Variants in GTF2E1 observed in about 807,000 individuals in gnomAD.
The protein encoded by GTF2E1 is TFIIE alpha subunit.
Under a neutral mutation model 34.9 loss-of-function variants are expected in GTF2E1, and 14 were observed. That is an observed-to-expected ratio of 0.40 (90% CI 0.27 to 0.63). GTF2E1 has a LOEUF of 0.63. GTF2E1 is among the 20% of genes least tolerant of loss of function. The pLI, the probability that GTF2E1 is intolerant of heterozygous loss-of-function variation, is 0.39. For missense variants in GTF2E1, 469 were observed against 557.7 expected, an observed-to-expected ratio of 0.84 and a Z score of 1.60; for synonymous variants, 188 against 192.9, an observed-to-expected ratio of 0.97 and a Z score of 0.21.
rs778940279 is a variant in GTF2E1 at position 120,781,125 on chromosome 3, G to A, written c.975G>A (p.Leu325=). 1.9e-6 allele frequency: 3 copies of A among 1,614,092 alleles called. No homozygotes were observed. The highest frequency in any genetic ancestry group is 2.5e-6 in the Non-Finnish European group (3 of 1,179,968). ...PDDNEEVMRA[L]LIHEKKTSSA... The stretch of plus-strand genomic sequence containing the variant: ...ACAACGAAGAGGTCATGCGAGCACT[G>A]CTCATTCACGAGAAAAAGACTTCCT... Residue 325 remains leucine (L), a synonymous_variant, in exon 5 of 5, where the codon CTG becomes CTA. Coordinates refer to ENST00000283875, the MANE Select transcript of GTF2E1 (RefSeq NM_005513.3).
At position 120,750,658 on chromosome 3, in the gene GTF2E1, A is replaced by G; in HGVS notation, c.106A>G (p.Ile36Val). 6.2e-7 allele frequency: 1 copy of G among 1,614,090 alleles called. No homozygotes were observed. The change falls in exon 2 of 5, where the codon ATC becomes GTC. Residue 36 changes from isoleucine to valine, a missense_variant. Physicochemically the swap from Ile to Val is conservative, Grantham distance 29. Coordinates refer to ENST00000283875, the MANE Select transcript of GTF2E1 (RefSeq NM_005513.3). ...CATTGAGCATGCCTTGGCCTTGGAC[A>G]TCTTGATCAGGAACTCCTGTGTGAA... ...YGIEHALALD[I>V]LIRNSCVKEE...
chr3:120,743,327 C>T (rs1488467277), intron 1 of GTF2E1, among the ~76,000 whole-genome samples: 1 of 152,240 alleles, frequency 6.6e-6, no homozygotes, highest in Non-Finnish European at 1.5e-5. Context: ...GAATTTGATC[C>T]ACGCACCTCC....
chr3:120,773,244 G>A (rs1251945849), intron 3 of GTF2E1, among the ~76,000 whole-genome samples: 1 of 152,102 alleles, frequency 6.6e-6, no homozygotes, highest in African/African-American at 2.4e-5. Flanking sequence ...CATCCTGGAG[G>A]TGGTATTGAT....
Position 120,775,891 on chromosome 3 carries a change from C to T in GTF2E1, c.651-532C>T, listed in dbSNP as rs574622614. ...TACTGCATGAGTGGTGGGAGAAGAA[C>T]GTTGGTTGAGGTCAGGCTTTGTAGA... On this transcript the variant is annotated intron_variant, in intron 3 of 4. Coordinates refer to ENST00000283875, the MANE Select transcript of GTF2E1 (RefSeq NM_005513.3). 3.9e-5 allele frequency among the ~76,000 whole-genome samples: 6 copies of T among 152,178 alleles called. No individual in the cohort carries two copies. The East Asian group carries it at 5.8e-4, about 15-fold the overall frequency.
chr3:120,776,392 C>T lies in GTF2E1; in HGVS notation c.651-31C>T, dbSNP rs757592606. 3 of 1,578,404 alleles carry T rather than the reference C, an allele frequency of 1.9e-6. No homozygotes were observed. In the South Asian group the frequency reaches 3.4e-5, roughly 18 times the overall value. Reference sequence around the variant, plus strand: ...CAACACCAAGACATTAATTTTTCTTCTTCCTGTACTCCTCTATTCTTTTTA... The same window carrying T: ...CAACACCAAGACATTAATTTTTCTTTTTCCTGTACTCCTCTATTCTTTTTA... On this transcript the variant is annotated intron_variant, in intron 3 of 4. Transcript: ENST00000283875.
chr3:120,744,305 C>G (rs1709086034), intron 1 of GTF2E1, among the ~76,000 whole-genome samples: 1 of 152,136 alleles, frequency 6.6e-6, no homozygotes, highest in South Asian at 2.1e-4. Context: ...TAAGGAGATT[C>G]AGCGTGAGTG....
Position 120,750,663 on chromosome 3 carries a change from G to A in GTF2E1, c.111G>A (p.Leu37=), listed in dbSNP as rs980528398. 2.5e-6 allele frequency: 4 copies of A among 1,613,920 alleles called. No individual in the cohort carries two copies. The African/African-American group carries it at 5.3e-5, about 22-fold the overall frequency. ...AGCATGCCTTGGCCTTGGACATCTT[G>A]ATCAGGAACTCCTGTGTGAAAGAGG... ...GIEHALALDI[L]IRNSCVKEED... Residue 37 remains leucine, a synonymous_variant, in exon 2 of 5, where the codon TTG becomes TTA. Coordinates refer to ENST00000283875, the MANE Select transcript of GTF2E1 (RefSeq NM_005513.3).
intron 4 of GTF2E1, among the ~76,000 whole-genome samples, chr3:120,779,149 A>C (rs1709426487): frequency 6.6e-6 from 1 of 152,194 alleles, no homozygotes; most frequent in Non-Finnish European, 1.5e-5. Flanking sequence ...TAACAGAATA[A>C]TTCTTTTTTC....
intron 3 of GTF2E1, among the ~76,000 whole-genome samples, chr3:120,774,823 A>G (rs1342375350): frequency 1.3e-5 from 2 of 152,178 alleles, no homozygotes; most frequent in African/African-American, 2.4e-5. Context: ...TGGTTTACAA[A>G]GTAGCCCTGG....
In GTF2E1 at chr3:120,782,568, G is replaced by A. The variant is rs1429536134; in HGVS notation, c.*1098G>A. 6.6e-6 allele frequency: 1 copy of A among 152,190 alleles called. No homozygotes were observed. Among genetic ancestry groups the A allele is most frequent in the Non-Finnish European group, 1.5e-5 (1 of 68,036 alleles). The allele number at this position is 152,190 out of a possible 1,614,324, so 9.4% of individuals were successfully genotyped here. ...GAACTGTGTCAGTTAGTCTGATTTGGAAATCCTTTATGTAAAGCTGAGACT... is the reference window on the plus strand; with the variant it reads ...GAACTGTGTCAGTTAGTCTGATTTGAAAATCCTTTATGTAAAGCTGAGACT... On this transcript the variant is annotated 3_prime_UTR_variant, in exon 5 of 5. Transcript: ENST00000283875.
intron 2 of GTF2E1, among the ~76,000 whole-genome samples, chr3:120,759,205 G>A (rs111579154): frequency 0.23 from 34,804 of 152,098 alleles, 4,713 homozygotes; most frequent in Non-Finnish European, 0.3. Flanking sequence ...CATCTATGCT[G>A]CATATGCATA....
At chr3:120,777,514 C>CT (rs1709411589) in intron 4 of GTF2E1, among the ~76,000 whole-genome samples, 1 of 152,122 alleles carries the variant, frequency 6.6e-6, no homozygotes, top group African/African-American at 2.4e-5. Flanking sequence ...CTGAAAACCA[C>CT]TTGTTTTTTG....
At chr3:120,748,203 C>A (rs1709125419) in intron 1 of GTF2E1, among the ~76,000 whole-genome samples, 1 of 152,074 alleles carries the variant, frequency 6.6e-6, no homozygotes. Flanking sequence ...TGTAGGTTGC[C>A]TGTTCACTCT....
intron 1 of GTF2E1, among the ~76,000 whole-genome samples, chr3:120,744,251 G>A (rs973783375): frequency 6.6e-6 from 1 of 152,160 alleles, no homozygotes; most frequent in East Asian, 1.9e-4. Context: ...TGCGTGGGGG[G>A]CTGCCAGTTT....
intron 3 of GTF2E1, among the ~76,000 whole-genome samples, chr3:120,775,760 A>G (rs1358874683): frequency 1.3e-5 from 2 of 152,240 alleles, no homozygotes; most frequent in Non-Finnish European, 2.9e-5. Context: ...GTTACTGCAG[A>G]GTAGAATCAG....
intron 1 of GTF2E1, among the ~76,000 whole-genome samples, chr3:120,750,148 T>C (rs1375786087): frequency 6.6e-6 from 1 of 152,218 alleles, no homozygotes; most frequent in Non-Finnish European, 1.5e-5. Context: ...AAAGACACTT[T>C]TAGGAAATGC....
intron 2 of GTF2E1, among the ~76,000 whole-genome samples, chr3:120,757,960 C>T (rs919984752): frequency 4.6e-5 from 7 of 152,086 alleles, no homozygotes; most frequent in African/African-American, 1.7e-4. Context: ...GTTAGGAGTT[C>T]AAGACCAGCC....
rs201163034 is a variant in GTF2E1 at position 120,781,516 on chromosome 3, G to A, written c.*46G>A. On this transcript the variant is annotated 3_prime_UTR_variant, in exon 5 of 5. Coordinates refer to ENST00000283875, the MANE Select transcript of GTF2E1 (RefSeq NM_005513.3). The stretch of plus-strand genomic sequence containing the variant: ...CTTTCTCTAATGCTCAGTTCAAAAA[G>A]GAATGTCTCATCTTTGAAGAAAAGT... 2.8e-6 allele frequency: 4 copies of A among 1,443,306 alleles called. No individual in the cohort carries two copies. The highest frequency in any genetic ancestry group is 3.9e-6 in the Non-Finnish European group (4 of 1,035,084). The allele number at this position is 1,443,306 out of a possible 1,614,324, so 89.4% of individuals were successfully genotyped here.
Position 120,776,506 on chromosome 3 carries a change from C to T in GTF2E1, c.734C>T (p.Ser245Phe), listed in dbSNP as rs116139067. The change falls in exon 4 of 5, where the codon TCC becomes TTC. Residue 245 changes from serine (S) to phenylalanine (F), a missense_variant. Transcript: ENST00000283875. ...HREAWATKGPSYEDLYTQNVV... is the reference protein window; with the variant it reads ...HREAWATKGPFYEDLYTQNVV... The stretch of plus-strand genomic sequence containing the variant: ...GAAGCATGGGCCACCAAAGGTCCTT[C>T]CTATGAAGACTTATACACTCAGAAT... 15,773 of 1,613,898 alleles carry T rather than the reference C, an allele frequency of 9.8e-3. 106 individuals carry two copies. The highest frequency in any genetic ancestry group is 0.012 in the Non-Finnish European group (13,840 of 1,179,850).
Sources: allele counts gnomAD v4.1 joint callset (sites outside exome capture counted in the v4.1 genomes callset), GRCh38; gene constraint gnomAD v4.1.1; transcripts MANE v1.5; gene names NCBI Gene and HGNC (gene_info 2026-07-23, HGNC 2026-07-21).